The following TRPC6 variants were observed in gnomAD, a reference collection of about 807,000 sequenced individuals.
TRPC6 encodes the protein transient receptor potential cation channel subfamily C member 6.
In TRPC6, 55 loss-of-function variants were observed where a neutral mutation model predicts 90.7. That is an observed-to-expected ratio of 0.61 (90% CI 0.49 to 0.76). The LOEUF (loss-of-function observed/expected upper bound fraction) is 0.76. Among genes scored for constraint, TRPC6 ranks in the 30% least tolerant of loss-of-function variants. The probability of loss-of-function intolerance (pLI) is 0.00; values close to 1 mark genes in which losing one functional copy is unlikely to be tolerated. For missense variants in TRPC6, 989 were observed against 1,122.7 expected, an observed-to-expected ratio of 0.88 and a Z score of 1.70; for synonymous variants, 393 against 393.0, an observed-to-expected ratio of 1.00 and a Z score of 0.00.
At chr11:101,540,172 G>A (rs925682355) in intron 1 of TRPC6, among the ~76,000 whole-genome samples, 5 of 152,282 alleles carry the variant, frequency 3.3e-5, no homozygotes, top group South Asian at 4.1e-4. Context: ...TCGCAGCAGT[G>A]GAAATGAGGC....
chr11:101,498,212 T>G (rs1385594709), intron 2 of TRPC6, among the ~76,000 whole-genome samples: 1 of 152,214 alleles, frequency 6.6e-6, no homozygotes, highest in East Asian at 1.9e-4. Context: ...TTTACTGACT[T>G]TGTGTTGCCA....
chr11:101,566,351 G>A (rs1861830128), intron 1 of TRPC6, among the ~76,000 whole-genome samples: 1 of 151,768 alleles, frequency 6.6e-6, no homozygotes, highest in African/African-American at 2.4e-5. Flanking sequence ...ATGAGCTTTG[G>A]TCTCAGGAAG....
At chr11:101,516,332 C>A (rs1860522062) in intron 1 of TRPC6, among the ~76,000 whole-genome samples, 1 of 152,066 alleles carries the variant, frequency 6.6e-6, no homozygotes, top group South Asian at 2.1e-4. Context: ...CGCACACATG[C>A]TGAAAAGAAC....
intron 3 of TRPC6, among the ~76,000 whole-genome samples, chr11:101,489,557 T>A (rs1418392438): frequency 2.0e-5 from 3 of 152,150 alleles, no homozygotes; most frequent in Non-Finnish European, 4.4e-5. Context: ...GTCTCTGGAC[T>A]GCCTGTTTTA....
At chr11:101,540,370 T>A (rs900314315) in intron 1 of TRPC6, among the ~76,000 whole-genome samples, 2 of 152,204 alleles carry the variant, frequency 1.3e-5, no homozygotes, top group African/African-American at 4.8e-5. Flanking sequence ...TTAAATAATC[T>A]TCTGATATTT....
At chr11:101,456,370 A>G (rs966402303) in intron 10 of TRPC6, among the ~76,000 whole-genome samples, 2 of 152,194 alleles carry the variant, frequency 1.3e-5, no homozygotes, top group Admixed American at 1.3e-4. Flanking sequence ...TAACATCTTA[A>G]ATAATATAAT....
intron 1 of TRPC6, among the ~76,000 whole-genome samples, chr11:101,509,307 C>A (rs1860346012): frequency 1.3e-5 from 2 of 151,786 alleles, no homozygotes; most frequent in Admixed American, 1.3e-4. Context: ...CCATATTGCC[C>A]AGGCTGGTAT....
Position 101,476,494 on chromosome 11 carries a change from G to A in TRPC6, c.1551C>T (p.Gly517=), listed in dbSNP as rs1028239385. Residue 517 remains glycine (G), a synonymous_variant, in exon 6 of 13, where the codon GGC becomes GGT. Transcript: ENST00000344327. ...ACAACTCAAACAAATATTCCTTGGGGCCCTGAGTCCAGATTTCTTTACATT... is the reference window on the plus strand; with the variant it reads ...ACAACTCAAACAAATATTCCTTGGGACCCTGAGTCCAGATTTCTTTACATT... ...WAECKEIWTQ[G]PKEYLFELWN... The A allele has an allele frequency of 6.2e-7, 1 of 1,614,012 alleles. No individual in the cohort carries two copies. The highest frequency in any genetic ancestry group is 1.1e-5 in the South Asian group (1 of 91,072).
chr11:101,516,108 G>GAA (rs10635008), intron 1 of TRPC6, among the ~76,000 whole-genome samples: 11,761 of 133,210 alleles, frequency 0.088, 720 homozygotes, highest in Middle Eastern at 0.13. Context: ...ATGCAGCTGG[G>GAA]AAAAAAAAAA....
chr11:101,553,853 C>T (rs985701270), intron 1 of TRPC6, among the ~76,000 whole-genome samples: 1 of 151,926 alleles, frequency 6.6e-6, no homozygotes, highest in Non-Finnish European at 1.5e-5. Flanking sequence ...AGATACCAAG[C>T]TCAGTAATAG....
At chr11:101,510,593 A>G (rs1169575217) in intron 1 of TRPC6, among the ~76,000 whole-genome samples, 1 of 152,198 alleles carries the variant, frequency 6.6e-6, no homozygotes, top group Non-Finnish European at 1.5e-5. Flanking sequence ...TTATCACAAC[A>G]TATAAATACT....
chr11:101,486,732 C>T (rs891281214), intron 4 of TRPC6, among the ~76,000 whole-genome samples: 4 of 152,038 alleles, frequency 2.6e-5, no homozygotes, highest in Admixed American at 6.6e-5. Flanking sequence ...GCAATTTGAT[C>T]TTACTGATGT....
At chr11:101,548,588 A>G (rs10895138) in intron 1 of TRPC6, among the ~76,000 whole-genome samples, 34,074 of 139,516 alleles carry the variant, frequency 0.24, 4,229 homozygotes, top group Middle Eastern at 0.37. Flanking sequence ...ATCCAATTCT[A>G]TTTTTTAATT....
intron 1 of TRPC6, among the ~76,000 whole-genome samples, chr11:101,562,087 T>A (rs72974377): frequency 6.6e-6 from 1 of 152,062 alleles, no homozygotes; most frequent in Admixed American, 6.6e-5. Context: ...ATGAATATCC[T>A]GGGAAACTAA....
At chr11:101,462,888 A>G (rs1264657741) in intron 10 of TRPC6, among the ~76,000 whole-genome samples, 6 of 151,932 alleles carry the variant, frequency 3.9e-5, no homozygotes, top group South Asian at 4.2e-4. Flanking sequence ...TCTTGTGCCG[A>G]TTTTCAAAGG....
chr11:101,520,618 C>A (rs368290815), intron 1 of TRPC6, among the ~76,000 whole-genome samples: 1 of 152,072 alleles, frequency 6.6e-6, no homozygotes, highest in Admixed American at 6.5e-5. Context: ...CAGAAGAAGA[C>A]ACGAAGATGA....
intron 1 of TRPC6, among the ~76,000 whole-genome samples, chr11:101,565,410 A>G (rs1350274546): frequency 6.6e-6 from 1 of 152,104 alleles, no homozygotes; most frequent in Non-Finnish European, 1.5e-5. Flanking sequence ...TTTCCTCAAT[A>G]CTTCCTGAAA....
rs1356769920 is a variant in TRPC6 at position 101,583,622 on chromosome 11, G to C, written c.-119C>G. 2.6e-6 allele frequency: 3 copies of C among 1,162,324 alleles called. No homozygotes were observed. The highest frequency in any genetic ancestry group is 3.4e-6 in the Non-Finnish European group (3 of 881,644). 72.0% of individuals were successfully genotyped at this position (1,162,324 alleles called of 1,614,324 possible). ...CCGAACTGGACCTGGGCAGACCGGTGCCCAGGGGACGACGGTGAAGCAGGG... is the reference window on the plus strand; with the variant it reads ...CCGAACTGGACCTGGGCAGACCGGTCCCCAGGGGACGACGGTGAAGCAGGG... On this transcript the variant is annotated 5_prime_UTR_variant, in exon 1 of 13. Coordinates refer to ENST00000344327, the MANE Select transcript of TRPC6 (RefSeq NM_004621.6).
At chr11:101,533,963 C>T (rs1860973829) in intron 1 of TRPC6, among the ~76,000 whole-genome samples, 1 of 152,136 alleles carries the variant, frequency 6.6e-6, no homozygotes, top group Admixed American at 6.5e-5. Context: ...TTAATACGTT[C>T]CTTGATGCTG....
Sources: allele counts gnomAD v4.1 joint callset (sites outside exome capture counted in the v4.1 genomes callset), GRCh38; gene constraint gnomAD v4.1.1; transcripts MANE v1.5; gene names NCBI Gene and HGNC (gene_info 2026-07-23, HGNC 2026-07-21).